CTIF: variants seen among roughly 807,000 people sequenced by gnomAD.
The protein encoded by CTIF is CBP80/20-dependent translation initiation factor.
In CTIF, 21 loss-of-function variants were observed where a neutral mutation model predicts 66.0. The ratio of observed to expected loss-of-function variants is 0.32; its 90% CI spans 0.23 to 0.46. CTIF has a LOEUF of 0.46. CTIF is among the 20% of genes least tolerant of loss of function. CTIF has a pLI of 1.00. For missense variants in CTIF, 739 were observed against 812.7 expected, an observed-to-expected ratio of 0.91 and a Z score of 1.10; for synonymous variants, 345 against 326.4, an observed-to-expected ratio of 1.06 and a Z score of -0.62.
intron 6 of CTIF, among the ~76,000 whole-genome samples, chr18:48,687,294 C>T (rs1392406896): frequency 7.5e-6 from 1 of 134,182 alleles, no homozygotes; most frequent in Non-Finnish European, 1.5e-5. Flanking sequence ...GTTCAAAGAA[C>T]TCTAGGAGGG....
chr18:48,704,262 C>G (rs1459434865), intron 6 of CTIF, among the ~76,000 whole-genome samples: 2 of 152,140 alleles, frequency 1.3e-5, no homozygotes, highest in African/African-American at 4.8e-5. Context: ...CTGGTTGGGC[C>G]TCTGTGGGCA....
At chr18:48,609,001 C>T (rs2090258048) in intron 1 of CTIF, among the ~76,000 whole-genome samples, 2 of 152,220 alleles carry the variant, frequency 1.3e-5, no homozygotes, top group Admixed American at 6.5e-5. Context: ...TATTGGTTTC[C>T]CTTCCTAGCA....
At chr18:48,547,308 T>C (rs948815295) in intron 1 of CTIF, among the ~76,000 whole-genome samples, 6 of 152,220 alleles carry the variant, frequency 3.9e-5, no homozygotes, top group African/African-American at 1.2e-4. Context: ...CAGGTCAGGT[T>C]CTTACAGATA....
In CTIF at chr18:48,821,876, A is replaced by G. The variant is rs569231971; in HGVS notation, c.1527+4500A>G. On this transcript the variant is annotated intron_variant, in intron 10 of 11. Transcript: ENST00000256413. ...GGATCTACCCTCTTCACAGGTTTCT[A>G]AGGATAAAGTACAGTATTGTATCCA... is the stretch of plus-strand genomic sequence containing the variant. 3.9e-5 allele frequency among the ~76,000 whole-genome samples: 6 copies of G among 152,318 alleles called. No individual in the cohort carries two copies. The South Asian group carries it at 1.2e-3, about 32-fold the overall frequency.
At chr18:48,678,498 T>G (rs2091679065) in intron 6 of CTIF, among the ~76,000 whole-genome samples, 2 of 152,106 alleles carry the variant, frequency 1.3e-5, no homozygotes, top group Admixed American at 1.3e-4. Flanking sequence ...AATCCGTGGT[T>G]TCCTGTCTGA....
At chr18:48,560,977 G>T (rs1461254775) in intron 1 of CTIF, among the ~76,000 whole-genome samples, 3 of 152,112 alleles carry the variant, frequency 2.0e-5, no homozygotes, top group Non-Finnish European at 4.4e-5. Flanking sequence ...AGTGGCTCAC[G>T]CCTGTAATCC....
intron 1 of CTIF, among the ~76,000 whole-genome samples, chr18:48,576,127 C>T (rs543122439): frequency 6.6e-6 from 1 of 152,374 alleles, no homozygotes; most frequent in East Asian, 1.9e-4. Flanking sequence ...CCCCCTTGCC[C>T]TGGCCCGAGA....
At chr18:48,737,854 T>A (rs912664432) in intron 7 of CTIF, among the ~76,000 whole-genome samples, 1 of 152,246 alleles carries the variant, frequency 6.6e-6, no homozygotes, top group Admixed American at 6.5e-5. Flanking sequence ...TTCACATAAT[T>A]GTAAGTAGAA....
At chr18:48,786,995 G>A (rs1428548564) in intron 9 of CTIF, among the ~76,000 whole-genome samples, 4 of 152,140 alleles carry the variant, frequency 2.6e-5, no homozygotes, top group Non-Finnish European at 5.9e-5. Flanking sequence ...TGCCCTGCTG[G>A]AGCCCACAGC....
intron 1 of CTIF, among the ~76,000 whole-genome samples, chr18:48,581,217 GT>G (rs367985336): frequency 1.2e-3 from 179 of 148,782 alleles, no homozygotes; most frequent in African/African-American, 4.1e-3. Flanking sequence ...TTTTGTTTTT[GT>G]TTTTTTTTGG....
intron 3 of CTIF, among the ~76,000 whole-genome samples, chr18:48,661,217 A>C (rs2091339963): frequency 6.6e-6 from 1 of 152,236 alleles, no homozygotes; most frequent in South Asian, 2.1e-4. Flanking sequence ...GAGGTGATCC[A>C]CTGAAGCTGA....
At chr18:48,783,851 C>T (rs1019153854) in intron 9 of CTIF, among the ~76,000 whole-genome samples, 5 of 152,132 alleles carry the variant, frequency 3.3e-5, no homozygotes, top group Admixed American at 6.5e-5. Flanking sequence ...CCCAGTCCAC[C>T]GAGCCCCAGA....
chr18:48,671,156 T>C (rs2091527084), intron 6 of CTIF, among the ~76,000 whole-genome samples: 2 of 152,148 alleles, frequency 1.3e-5, no homozygotes, highest in African/African-American at 4.8e-5. Flanking sequence ...TTTTGAACAG[T>C]GGACTTGCCC....
rs1355234426 is a variant in CTIF, at chr18:48,860,596, C to G, written c.*1037C>G. ...GCCTTGTGGCAAACAGGGCACAGAA[C>G]GAGACTGGCAAATTAAAACCAAAAT... On this transcript the variant is annotated 3_prime_UTR_variant, in exon 12 of 12. Transcript: ENST00000256413. 1 of 152,632 alleles carries G rather than the reference C, an allele frequency of 6.6e-6. No individual in the cohort carries two copies. Among genetic ancestry groups the G allele is most frequent in the East Asian group, 1.9e-4 (1 of 5,198 alleles). The allele number at this position is 152,632 out of a possible 1,614,324, so 9.5% of individuals were successfully genotyped here. A position where few individuals can be genotyped will look rare whatever the true frequency, so the allele number is the denominator to read the frequency against.
At chr18:48,729,244 A>G (rs2092414982) in intron 7 of CTIF, among the ~76,000 whole-genome samples, 1 of 152,076 alleles carries the variant, frequency 6.6e-6, no homozygotes, top group Non-Finnish European at 1.5e-5. Context: ...GGAAAAGGAA[A>G]CTTTCCAAGA....
intron 5 of CTIF, among the ~76,000 whole-genome samples, chr18:48,668,614 T>G (rs1359007286): frequency 6.6e-6 from 1 of 151,974 alleles, no homozygotes; most frequent in Non-Finnish European, 1.5e-5. Context: ...GCCTACCCCT[T>G]GCACCCTGAC....
chr18:48,821,850 T>C (rs1004574374), intron 10 of CTIF, among the ~76,000 whole-genome samples: 5 of 152,220 alleles, frequency 3.3e-5, no homozygotes, highest in Non-Finnish European at 7.3e-5. Flanking sequence ...ATACTGAATA[T>C]GGATCTACCC....
intron 6 of CTIF, among the ~76,000 whole-genome samples, chr18:48,704,468 G>A (rs757860120): frequency 1.3e-5 from 2 of 152,178 alleles, no homozygotes; most frequent in Admixed American, 1.3e-4. Flanking sequence ...ACCTGGGTTA[G>A]TTTCCCGGGG....
chr18:48,713,925 G>A (rs191034605), intron 7 of CTIF, among the ~76,000 whole-genome samples: 5 of 152,310 alleles, frequency 3.3e-5, no homozygotes, highest in African/African-American at 9.6e-5. Context: ...GGGGCGCCCC[G>A]CTCTAATTCC....
Sources: gnomAD v4.1 joint callset for allele counts (sites outside exome capture counted in the v4.1 genomes callset) on GRCh38, gnomAD v4.1.1 for gene constraint, MANE v1.5 for transcripts, NCBI Gene and HGNC (gene_info 2026-07-23, HGNC 2026-07-21) for gene names.